The following PHACTR1 variants were observed in gnomAD, a reference collection of about 807,000 sequenced individuals.
PHACTR1 encodes RPEL repeat containing 1.
In PHACTR1, 16 loss-of-function variants were observed where a neutral mutation model predicts 69.2. That is an observed-to-expected ratio of 0.23 (90% CI 0.16 to 0.35). The LOEUF is 0.35. Ranked by LOEUF, PHACTR1 falls within the 10% of genes least tolerant of loss-of-function variation. PHACTR1 has a pLI of 1.00. For missense variants in PHACTR1, 510 were observed against 734.7 expected (o/e 0.69, Z 3.54); for synonymous variants, 312 against 284.5 (o/e 1.10, Z -0.97).
chr6:13,224,379 T>C (rs1769225255), intron 8 of PHACTR1, among the ~76,000 whole-genome samples: 3 of 152,178 alleles, frequency 2.0e-5, no homozygotes, highest in African/African-American at 7.2e-5. Flanking sequence ...GCCAAGAGCA[T>C]TGAATGCATA....
intron 3 of PHACTR1, 49 bp downstream of exon 3, chr6:12,718,896 T>C: frequency 8.5e-7 from 1 of 1,181,624 alleles, no homozygotes; most frequent in Non-Finnish European, 1.2e-6. Flanking sequence ...GTCGGTTTTA[T>C]ATGAACAGCC....
At chr6:12,950,171 A>G (rs1791124700) in intron 4 of PHACTR1, among the ~76,000 whole-genome samples, 1 of 152,168 alleles carries the variant, frequency 6.6e-6, no homozygotes, top group Non-Finnish European at 1.5e-5. Flanking sequence ...TCAGGCAGCA[A>G]CTGTTGAAGG....
intron 5 of PHACTR1, among the ~76,000 whole-genome samples, chr6:13,066,190 T>C (rs966675409): frequency 1.4e-4 from 21 of 152,232 alleles, no homozygotes; most frequent in Non-Finnish European, 2.9e-4. Flanking sequence ...TCCAGCACTC[T>C]CTGCGTGTAA....
intron 4 of PHACTR1, among the ~76,000 whole-genome samples, chr6:12,936,662 G>C (rs1024901088): frequency 1.3e-4 from 20 of 152,218 alleles, no homozygotes; most frequent in African/African-American, 4.3e-4. Context: ...TTTTCCTAAA[G>C]CAACAAACTT....
rs971437860 is a variant in PHACTR1, at chr6:12,917,180, T to A, written c.251-136185T>A. On this transcript the variant is annotated intron_variant, in intron 4 of 14. Transcript: ENST00000332995. ...TGATGTTTTCCATGGCTGGGGACAG[T>A]TTTTCAAGTTGTACACCAGTTTATG... Among the ~76,000 whole-genome samples, 3 of 152,322 alleles carry A rather than the reference T, an allele frequency of 2.0e-5. No homozygotes were observed. In the East Asian group the frequency reaches 5.8e-4, roughly 29 times the overall value.
At chr6:13,174,389 GTTTGAATTT>G (rs1053430586) in intron 6 of PHACTR1, among the ~76,000 whole-genome samples, 1 of 152,236 alleles carries the variant, frequency 6.6e-6, no homozygotes, top group Non-Finnish European at 1.5e-5. Flanking sequence ...ATTAAAATGT[GTTTGAATTT>G]TTGCAAGCAT....
intron 4 of PHACTR1, among the ~76,000 whole-genome samples, chr6:12,930,186 G>A (rs972324278): frequency 6.6e-6 from 1 of 152,022 alleles, no homozygotes; most frequent in Non-Finnish European, 1.5e-5. Context: ...TGGGACTATA[G>A]GTGTGTGCCC....
intron 4 of PHACTR1, among the ~76,000 whole-genome samples, chr6:12,965,595 C>T (rs538976739): frequency 1.3e-5 from 2 of 152,026 alleles, no homozygotes; most frequent in African/African-American, 4.8e-5. Context: ...ATACAGTGAG[C>T]GTGGCTCAGG....
intron 4 of PHACTR1, among the ~76,000 whole-genome samples, chr6:13,020,749 A>G (rs1374997949): frequency 6.6e-6 from 1 of 152,210 alleles, no homozygotes; most frequent in Non-Finnish European, 1.5e-5. Context: ...GTGCACAGGT[A>G]TTATCCACTT....
At chr6:13,118,625 C>T (rs771929815) in intron 5 of PHACTR1, among the ~76,000 whole-genome samples, 2 of 151,954 alleles carry the variant, frequency 1.3e-5, no homozygotes, top group Non-Finnish European at 2.9e-5. Context: ...ACTACAGGTG[C>T]GCACAACCAT....
At chr6:13,076,282 C>A (rs1443558855) in intron 5 of PHACTR1, among the ~76,000 whole-genome samples, 1 of 152,108 alleles carries the variant, frequency 6.6e-6, no homozygotes, top group Non-Finnish European at 1.5e-5. Flanking sequence ...ATAAAAAGTG[C>A]TCTGGAAGCA....
At chr6:12,837,099 G>A (rs1328114052) in intron 4 of PHACTR1, among the ~76,000 whole-genome samples, 3 of 152,126 alleles carry the variant, frequency 2.0e-5, no homozygotes, top group Non-Finnish European at 4.4e-5. Flanking sequence ...TACAAACCCT[G>A]CTGTCTCAGT....
chr6:13,268,650 G>A (rs1777157915), intron 10 of PHACTR1, among the ~76,000 whole-genome samples: 1 of 152,206 alleles, frequency 6.6e-6, no homozygotes, highest in South Asian at 2.1e-4. Context: ...CTTGTCTGAG[G>A]TAAATAGGTT....
intron 5 of PHACTR1, among the ~76,000 whole-genome samples, chr6:13,101,622 T>TG (rs1815174766): frequency 6.6e-6 from 1 of 152,202 alleles, no homozygotes; most frequent in South Asian, 2.1e-4. Context: ...CAGAGTGATG[T>TG]GGTCAGAACG....
In PHACTR1 at chr6:12,965,751, C is replaced by T. The variant is rs1244964644; in HGVS notation, c.251-87614C>T. 2.6e-5 allele frequency among the ~76,000 whole-genome samples: 4 copies of T among 152,152 alleles called. No homozygotes were observed. In the East Asian group the frequency reaches 7.7e-4, roughly 29 times the overall value. On this transcript the variant is annotated intron_variant, in intron 4 of 14. Coordinates refer to ENST00000332995, the MANE Select transcript of PHACTR1 (RefSeq NM_030948.6). ...AGAAAACGTGCTCACGGAGACGTCACCTTGCATTTCCTCCAGTAACAATGT... is the reference window on the plus strand; with the variant it reads ...AGAAAACGTGCTCACGGAGACGTCATCTTGCATTTCCTCCAGTAACAATGT...
At chr6:13,229,058 C>T (rs1273813479) in intron 9 of PHACTR1, among the ~76,000 whole-genome samples, 1 of 152,228 alleles carries the variant, frequency 6.6e-6, no homozygotes, top group Non-Finnish European at 1.5e-5. Flanking sequence ...AAGAACCACA[C>T]AGGGCAGCCA....
At chr6:12,870,034 CA>C (rs1394885697) in intron 4 of PHACTR1, among the ~76,000 whole-genome samples, 1 of 151,704 alleles carries the variant, frequency 6.6e-6, no homozygotes, top group African/African-American at 2.4e-5. Context: ...GTGCCTGTAA[CA>C]AGCCCTCATA....
intron 5 of PHACTR1, among the ~76,000 whole-genome samples, chr6:13,158,675 C>T (rs77068225): frequency 0.01 from 1,554 of 152,268 alleles, 30 homozygotes; most frequent in African/African-American, 0.035. Flanking sequence ...GGTCCCACCC[C>T]GGACCTATGA....
chr6:13,178,912 A>T (rs1430804808), intron 6 of PHACTR1, among the ~76,000 whole-genome samples: 3 of 152,080 alleles, frequency 2.0e-5, no homozygotes, highest in Non-Finnish European at 4.4e-5. Flanking sequence ...AATAATGTGA[A>T]TTTTTTAATG....
Sources: gnomAD v4.1 joint callset for allele counts (sites outside exome capture counted in the v4.1 genomes callset) on GRCh38, gnomAD v4.1.1 for gene constraint, MANE v1.5 for transcripts, NCBI Gene and HGNC (gene_info 2026-07-23, HGNC 2026-07-21) for gene names.